The following PCDHGA3 variants were observed in gnomAD, a reference collection of about 807,000 sequenced individuals.
PCDHGA3 encodes the protein protocadherin gamma-A3.
PCDHGA3 carries 40 observed loss-of-function variants against 58.5 expected under a neutral mutation model. That is an observed-to-expected ratio of 0.68 (90% CI 0.53 to 0.89). The LOEUF (loss-of-function observed/expected upper bound fraction) is 0.89, where lower values mean the gene tolerates loss of function less well. PCDHGA3 is among the 40% of genes least tolerant of loss of function. The pLI, the probability that PCDHGA3 is intolerant of heterozygous loss-of-function variation, is 0.00. For missense variants in PCDHGA3, 1,223 were observed against 1,195.9 expected, an observed-to-expected ratio of 1.02 and a Z score of -0.33; for synonymous variants, 530 against 525.7, an observed-to-expected ratio of 1.01 and a Z score of -0.11.
chr5:141,350,471 T>G (rs1758484390), intron 1 of PCDHGA3: 1 of 1,613,842 alleles, frequency 6.2e-7, no homozygotes, highest in African/African-American at 1.3e-5. Flanking sequence ...TGCAGAGGAT[T>G]ATTTCAACGT....
Position 141,344,655 on chromosome 5 carries a change from C to T in PCDHGA3, c.622C>T (p.His208Tyr). ...CCTGGACCGTGAGAAAAAAGAAATT[C>T]ACCAGCTTGTCCTGGTTGCCTCTGA... is the stretch of plus-strand genomic sequence containing the variant. ...RALDREKKEIHQLVLVASDGG... is the reference protein window; with the variant it reads ...RALDREKKEIYQLVLVASDGG... Residue 208 changes from histidine to tyrosine, a missense_variant, in exon 1 of 4, where the codon CAC becomes TAC. By Grantham distance (83) the His-to-Tyr change is moderately conservative. This residue lies in a region of PCDHGA3 where 791 missense variants were observed against 708.5 expected (regional missense o/e 1.12). Transcript: ENST00000253812. 6.2e-7 allele frequency: 1 copy of T among 1,613,986 alleles called. No homozygotes were observed. The highest frequency in any genetic ancestry group is 8.5e-7 in the Non-Finnish European group (1 of 1,179,890).
intron 1 of PCDHGA3, among the ~76,000 whole-genome samples, chr5:141,482,329 T>A (rs1334833454): frequency 6.6e-6 from 1 of 152,160 alleles, no homozygotes; most frequent in Non-Finnish European, 1.5e-5. Context: ...ATAAAGAGAA[T>A]ATCTACTTTG....
intron 1 of PCDHGA3, chr5:141,408,732 A>AT: frequency 2.5e-6 from 4 of 1,610,016 alleles, no homozygotes; most frequent in Non-Finnish European, 3.4e-6. Context: ...TCTAATCCTT[A>AT]TTTTTCATTA....
At chr5:141,434,323 T>G (rs578049856) in intron 1 of PCDHGA3, among the ~76,000 whole-genome samples, 1 of 152,358 alleles carries the variant, frequency 6.6e-6, no homozygotes, top group South Asian at 2.1e-4. Flanking sequence ...CTCTTGCTGC[T>G]TGTCTCTTTG....
intron 1 of PCDHGA3, chr5:141,367,477 C>A (rs1199717010): frequency 6.6e-6 from 1 of 152,048 alleles, no homozygotes; most frequent in Non-Finnish European, 1.5e-5. Context: ...GAGGAGCTTG[C>A]AGTAAGCCGA....
chr5:141,452,303 G>C (rs1271182127), intron 1 of PCDHGA3, among the ~76,000 whole-genome samples: 1 of 152,048 alleles, frequency 6.6e-6, no homozygotes, highest in Non-Finnish European at 1.5e-5. Flanking sequence ...GAAAATATTA[G>C]AGACTCATAC....
At chr5:141,394,348 G>C (rs1376364642) in intron 1 of PCDHGA3, 2 of 1,614,050 alleles carry the variant, frequency 1.2e-6, no homozygotes, top group Non-Finnish European at 1.7e-6. Flanking sequence ...TCTGACACCG[G>C]TGTCCTGTAT....
chr5:141,506,165 C>T (rs1359711670), intron 3 of PCDHGA3, among the ~76,000 whole-genome samples: 8 of 152,038 alleles, frequency 5.3e-5, no homozygotes, highest in South Asian at 2.1e-4. Context: ...AAGAGCACAG[C>T]CTAAGCTGGG....
chr5:141,427,129 T>A lies in PCDHGA3; in HGVS notation c.2425-67678T>A, dbSNP rs752552669. ...GAGATCACCTACTCTTTCAAATCCC[T>A]ACGAGATGATATTGGAAATATGTTT... On this transcript the variant is annotated intron_variant, in intron 1 of 3. Coordinates refer to ENST00000253812, the MANE Select transcript of PCDHGA3 (RefSeq NM_018916.4). 125 of 457,106 alleles carry A rather than the reference T, an allele frequency of 2.7e-4. 2 individuals are homozygous for A. Among genetic ancestry groups the A allele is most frequent in the Non-Finnish European group, 4.0e-5 (9 of 227,024 alleles). The allele number at this position is 457,106 out of a possible 1,614,324, so 28.3% of individuals were successfully genotyped here.
At chr5:141,383,193 G>C (rs911488617) in intron 1 of PCDHGA3, 1 of 1,614,066 alleles carries the variant, frequency 6.2e-7, no homozygotes, top group Non-Finnish European at 8.5e-7. Context: ...TCTGCGCTCA[G>C]AGTGCGCGGT....
In PCDHGA3 at chr5:141,415,309, G is replaced by A. The variant is rs199689792; in HGVS notation, c.2424+68852G>A. ...GGTCTCCTGCGTCTTCCTGGCCTTC[G>A]TCATCGTGCTGCTGGCGCACAGGCT... is the stretch of plus-strand genomic sequence containing the variant. On this transcript the variant is annotated intron_variant, in intron 1 of 3. Coordinates refer to ENST00000253812, the MANE Select transcript of PCDHGA3 (RefSeq NM_018916.4). 2.7e-5 allele frequency: 44 copies of A among 1,614,216 alleles called. No homozygotes were observed. In the Middle Eastern group the frequency reaches 8.2e-4, roughly 30 times the overall value.
chr5:141,351,420 C>G (rs779349797), intron 1 of PCDHGA3: 3 of 1,611,526 alleles, frequency 1.9e-6, no homozygotes, highest in Non-Finnish European at 1.7e-6. Flanking sequence ...GAAGAAGTTC[C>G]TTTCAAATTA....
In PCDHGA3 at chr5:141,423,130, G is replaced by A. The variant is rs770258338; in HGVS notation, c.2425-71677G>A. On this transcript the variant is annotated intron_variant, in intron 1 of 3. Coordinates refer to ENST00000253812, the MANE Select transcript of PCDHGA3 (RefSeq NM_018916.4). The stretch of plus-strand genomic sequence containing the variant: ...GGTGCGTACAGCGCGGGCACTGCTG[G>A]ACAGAGACGCGCTCAAGCAGAGCCT... The A allele has an allele frequency of 9.3e-6, 15 of 1,613,582 alleles. No individual in the cohort carries two copies. Among genetic ancestry groups the A allele is most frequent in the Middle Eastern group, 1.6e-4 (1 of 6,072 alleles).
rs1561748501 is a variant in PCDHGA3 at position 141,414,351 on chromosome 5, G to GT, written c.2424+67895dup. On this transcript the variant is annotated intron_variant, in intron 1 of 3. Coordinates refer to ENST00000253812, the MANE Select transcript of PCDHGA3 (RefSeq NM_018916.4). ...GACAGGTAACCTGTTCCATTTTGGC[G>GT]TATCTACCATTTAAATTAGAAAAGT... 2.5e-6 allele frequency: 4 copies of GT among 1,613,794 alleles called. No individual in the cohort carries two copies. The South Asian group carries it at 3.3e-5, about 13-fold the overall frequency.
At chr5:141,414,406 C>T (rs1315007586) in intron 1 of PCDHGA3, 6 of 1,613,764 alleles carry the variant, frequency 3.7e-6, no homozygotes, top group African/African-American at 2.7e-5. Flanking sequence ...ATTGGTGATA[C>T]ACAGAGCCCT....
intron 1 of PCDHGA3, chr5:141,413,489 G>A (rs937434384): frequency 1.9e-6 from 3 of 1,614,036 alleles, no homozygotes; most frequent in Admixed American, 1.7e-5. Context: ...CAGAGCGCGC[G>A]GTGCGTGGTG....
In PCDHGA3 at chr5:141,476,651, T is replaced by C. The variant is rs1355056895; in HGVS notation, c.2425-18156T>C. On this transcript the variant is annotated intron_variant, in intron 1 of 3. Coordinates refer to ENST00000253812, the MANE Select transcript of PCDHGA3 (RefSeq NM_018916.4). This position sits in a 1 kb window ranked among gnomAD's most constrained non-coding sequence, Gnocchi z 7.6. ...AACCTATGAGCTGAGCCGAAATGAA[T>C]ACTTTGCGCTTCGCGTGCAGACGCG... is the stretch of plus-strand genomic sequence containing the variant. The C allele has an allele frequency of 3.7e-6, 6 of 1,614,118 alleles. No individual in the cohort carries two copies. Among genetic ancestry groups the C allele is most frequent in the Non-Finnish European group, 5.1e-6 (6 of 1,180,050 alleles).
At position 141,374,819 on chromosome 5, in the gene PCDHGA3, G is replaced by A. The variant is rs1489932950; in HGVS notation, c.2424+28362G>A. On this transcript the variant is annotated intron_variant, in intron 1 of 3. Transcript: ENST00000253812. ...CAACACTCCAATGTTTACTCAGCCT[G>A]TCTACCGTGTAAGTGTTCCTGAAAA... 2 of 1,613,812 alleles carry A rather than the reference G, an allele frequency of 1.2e-6. 1 individual carries two copies. Among genetic ancestry groups the A allele is most frequent in the East Asian group, 4.5e-5 (2 of 44,894 alleles).
intron 1 of PCDHGA3, among the ~76,000 whole-genome samples, chr5:141,483,834 A>G (rs2154580001): frequency 6.6e-6 from 1 of 152,212 alleles, no homozygotes; most frequent in South Asian, 2.1e-4. Flanking sequence ...CTAGGTAAGG[A>G]CTTGGTTGAA....
Sources: gnomAD v4.1 joint callset for allele counts (sites outside exome capture counted in the v4.1 genomes callset) on GRCh38, gnomAD v4.1.1 for gene constraint, gnomAD v4.1.1 regional missense constraint, Gnocchi (gnomAD v3.1) non-coding constraint, MANE v1.5 for transcripts, NCBI Gene and HGNC (gene_info 2026-07-23, HGNC 2026-07-21) for gene names.